Variants in MYO1D observed in about 807,000 individuals in gnomAD.
The protein encoded by MYO1D is unconventional myosin-Id.
MYO1D carries 83 observed loss-of-function variants against 122.0 expected under a neutral mutation model. That is an observed-to-expected ratio of 0.68 (90% confidence interval 0.57 to 0.82). MYO1D has a LOEUF of 0.82. Ranked by LOEUF, MYO1D falls within the 40% of genes least tolerant of loss-of-function variation. The pLI, the probability that MYO1D is intolerant of heterozygous loss-of-function variation, is 0.00. For synonymous variants in MYO1D, 464 were observed against 446.9 expected (o/e 1.04, Z -0.48); for missense variants, 1,157 against 1,269.5 (o/e 0.91, Z 1.35).
intron 1 of MYO1D, among the ~76,000 whole-genome samples, chr17:32,861,348 G>A (rs143368385): frequency 6.6e-6 from 1 of 152,094 alleles, no homozygotes; most frequent in South Asian, 2.1e-4. Context: ...TTACAGGTGT[G>A]AGCCACCGCA....
chr17:32,733,980 C>A (rs368950332), intron 14 of MYO1D, among the ~76,000 whole-genome samples: 18 of 152,274 alleles, frequency 1.2e-4, no homozygotes, highest in African/African-American at 4.3e-4. Flanking sequence ...TTTATTTTCT[C>A]ATATTAAGCT....
intron 5 of MYO1D, among the ~76,000 whole-genome samples, chr17:32,772,424 T>G (rs1418838311): frequency 1.3e-5 from 2 of 152,156 alleles, no homozygotes; most frequent in Non-Finnish European, 2.9e-5. Context: ...CTCCCAAATA[T>G]GGAAACAACA....
chr17:32,511,314 C>T (rs1909689679), intron 21 of MYO1D, among the ~76,000 whole-genome samples: 1 of 152,020 alleles, frequency 6.6e-6, no homozygotes, highest in South Asian at 2.1e-4. Flanking sequence ...GCCTCAAACG[C>T]CCGAGCTCAA....
At chr17:32,521,683 C>T (rs908910456) in intron 21 of MYO1D, among the ~76,000 whole-genome samples, 12 of 152,180 alleles carry the variant, frequency 7.9e-5, no homozygotes, top group African/African-American at 2.9e-4. Context: ...GGTGCGGTGG[C>T]GCACGCCCAT....
intron 21 of MYO1D, among the ~76,000 whole-genome samples, chr17:32,595,699 C>T (rs551570090): frequency 1.3e-5 from 2 of 152,246 alleles, no homozygotes; most frequent in Non-Finnish European, 2.9e-5. Context: ...CTTCTGTGTG[C>T]CAGCACTGTT....
At position 32,767,681 on chromosome 17, in the gene MYO1D, C is replaced by CT; in HGVS notation, c.785dup (p.Glu263GlyfsTer7). On this transcript the variant is annotated frameshift_variant, in exon 7 of 22. Transcript: ENST00000318217. LOFTEE classifies it high-confidence loss of function. ...AAATCTTATACACTGTTTGGATCTC[C>CT]TCAGGTTTGAAGCCAATGACTTTCA... 6.2e-7 allele frequency: 1 copy of CT among 1,613,932 alleles called. No individual in the cohort carries two copies. Among genetic ancestry groups the CT allele is most frequent in the East Asian group, 2.2e-5 (1 of 44,864 alleles).
At chr17:32,738,409 T>C in intron 13 of MYO1D, 24 bp from the exon 14 acceptor site, 1 of 1,541,138 alleles carries the variant, frequency 6.5e-7, no homozygotes, top group Non-Finnish European at 8.8e-7. Flanking sequence ...AAAAAACAAT[T>C]CAAATGTCAC....
chr17:32,792,192 G>C (rs1487586083), intron 1 of MYO1D, among the ~76,000 whole-genome samples: 1 of 152,094 alleles, frequency 6.6e-6, no homozygotes, highest in South Asian at 2.1e-4. Context: ...TCTGTAGAAC[G>C]CACATCTAGA....
At chr17:32,676,246 A>T (rs1231747880) in intron 16 of MYO1D, among the ~76,000 whole-genome samples, 4 of 152,118 alleles carry the variant, frequency 2.6e-5, no homozygotes, top group Admixed American at 2.6e-4. Context: ...AATTAAATAA[A>T]TTGATGGGAT....
intron 13 of MYO1D, among the ~76,000 whole-genome samples, chr17:32,740,990 G>C (rs779616427): frequency 2.6e-5 from 4 of 152,038 alleles, no homozygotes; most frequent in Middle Eastern, 3.4e-3. Flanking sequence ...CACAGACACA[G>C]ACACACACAT....
intron 8 of MYO1D, among the ~76,000 whole-genome samples, chr17:32,762,475 C>T (rs1039958230): frequency 6.6e-6 from 1 of 152,208 alleles, no homozygotes; most frequent in African/African-American, 2.4e-5. Flanking sequence ...CTGCCCTCAT[C>T]TCTTTCCTGG....
chr17:32,644,356 A>G (rs879409640), intron 19 of MYO1D, among the ~76,000 whole-genome samples: 7 of 152,048 alleles, frequency 4.6e-5, no homozygotes, highest in Admixed American at 4.6e-4. Flanking sequence ...TTTTGGAATA[A>G]GTGCGGCGTG....
intron 10 of MYO1D, chr17:32,759,885 A>G (rs974208279): frequency 1.7e-5 from 8 of 481,134 alleles, no homozygotes; most frequent in African/African-American, 3.9e-5. Flanking sequence ...ACAATAAAAT[A>G]CCATATAGTC....
At chr17:32,813,173 G>GA (rs2090586447) in intron 1 of MYO1D, among the ~76,000 whole-genome samples, 1 of 152,116 alleles carries the variant, frequency 6.6e-6, no homozygotes, top group Non-Finnish European at 1.5e-5. Context: ...AGACAAGTCT[G>GA]AAAAAAGACT....
In MYO1D at chr17:32,853,372, A is replaced by G. The variant is rs187780440; in HGVS notation, c.95+23406T>C. 7.6e-3 allele frequency among the ~76,000 whole-genome samples: 1,160 copies of G among 152,296 alleles called. 7 individuals carry two copies. Among genetic ancestry groups the G allele is most frequent in the Non-Finnish European group, 0.013 (862 of 68,016 alleles). Reference sequence around the variant, plus strand: ...TAAAATCCTTCAATGGCTCCCCATCACCACATAATAAAAAATCTTTAGCAT... The same window carrying G: ...TAAAATCCTTCAATGGCTCCCCATCGCCACATAATAAAAAATCTTTAGCAT... On this transcript the variant is annotated intron_variant, in intron 1 of 21. Transcript: ENST00000318217.
intron 1 of MYO1D, among the ~76,000 whole-genome samples, chr17:32,866,298 C>A (rs560403977): frequency 4.6e-5 from 7 of 152,252 alleles, no homozygotes; most frequent in South Asian, 4.1e-4. Context: ...AAAAAAAATT[C>A]TCTCTCTCTT....
In MYO1D at chr17:32,679,870, T is replaced by C. The variant is rs559280210; in HGVS notation, c.2122-20532A>G. ...TTGGGCAGTATGGCCATTTTCACGA[T>C]ATTGATTCTTCCTACCCATGAACAT... On this transcript the variant is annotated intron_variant, in intron 16 of 21. Transcript: ENST00000318217. Among the ~76,000 whole-genome samples the C allele has an allele frequency of 1.7e-3, 259 of 151,072 alleles. 1 individual carries two copies. Among genetic ancestry groups the C allele is most frequent in the African/African-American group, 6.2e-3 (251 of 40,642 alleles).
chr17:32,797,164 T>C (rs2090423819), intron 1 of MYO1D, among the ~76,000 whole-genome samples: 1 of 152,130 alleles, frequency 6.6e-6, no homozygotes, highest in Non-Finnish European at 1.5e-5. Flanking sequence ...AGAGATGGGG[T>C]TTCACCATGT....
chr17:32,559,720 A>C (rs2087100661), intron 21 of MYO1D, among the ~76,000 whole-genome samples: 1 of 152,198 alleles, frequency 6.6e-6, no homozygotes, highest in Non-Finnish European at 1.5e-5. Flanking sequence ...GCACTTTGTT[A>C]CCATTATCTT....
Sources: gnomAD v4.1 joint callset for allele counts (sites outside exome capture counted in the v4.1 genomes callset) on GRCh38, gnomAD v4.1.1 for gene constraint, MANE v1.5 for transcripts, NCBI Gene and HGNC (gene_info 2026-07-23, HGNC 2026-07-21) for gene names.